Variants in CAPN9 observed in about 807,000 individuals in gnomAD.
CAPN9 encodes the protein calpain 9, also known as calpain-9.
CAPN9 carries 81 observed loss-of-function variants against 92.8 expected under a neutral mutation model. The ratio of observed to expected loss-of-function variants is 0.87; its 90% CI spans 0.73 to 1.05. The LOEUF (loss-of-function observed/expected upper bound fraction) is 1.05, where lower values mean the gene tolerates loss of function less well. Among genes scored for constraint, CAPN9 ranks in the 50% least tolerant of loss-of-function variants. CAPN9 has a pLI of 0.00. For missense variants in CAPN9, 848 were observed against 866.2 expected, an observed-to-expected ratio of 0.98 and a Z score of 0.26; for synonymous variants, 304 against 328.0, an observed-to-expected ratio of 0.93 and a Z score of 0.79.
chr1:230,800,823 T>C (rs183634031), intron 19 of CAPN9, among the ~76,000 whole-genome samples: 1 of 152,266 alleles, frequency 6.6e-6, no homozygotes, highest in Admixed American at 6.5e-5. Context: ...GTCTGAAGTA[T>C]CCATGTTTTA....
chr1:230,797,313 C>T (rs1264237536), intron 18 of CAPN9, among the ~76,000 whole-genome samples: 4 of 152,218 alleles, frequency 2.6e-5, no homozygotes, highest in Non-Finnish European at 5.9e-5. Context: ...GTCCATTCAT[C>T]TGAGTATCTC....
At chr1:230,755,730 C>T (rs1300226354) in intron 2 of CAPN9, among the ~76,000 whole-genome samples, 3 of 152,316 alleles carry the variant, frequency 2.0e-5, no homozygotes, top group East Asian at 3.9e-4. Flanking sequence ...CAGTCACCTG[C>T]GAGGTACTCT....
In CAPN9 at chr1:230,780,230, A is replaced by AG; in HGVS notation, c.1170dup (p.Gln391AlafsTer5). On this transcript the variant is annotated frameshift_variant, in exon 10 of 20. Transcript: ENST00000271971. LOFTEE classifies it high-confidence loss of function. ...AAATTGTCTCTGACTGAGAAAGATG[A>AG]GGGGCAGGAGGAGTGTAGTTTCCTT... The AG allele has an allele frequency of 6.2e-7, 1 of 1,613,828 alleles. No individual in the cohort carries two copies. The highest frequency in any genetic ancestry group is 2.2e-5 in the East Asian group (1 of 44,868).
At chr1:230,797,817 G>A (rs980324102) in intron 18 of CAPN9, among the ~76,000 whole-genome samples, 2 of 152,168 alleles carry the variant, frequency 1.3e-5, no homozygotes, top group Admixed American at 6.5e-5. Context: ...AAAACTTTAC[G>A]TGCGTGTGCT....
intron 4 of CAPN9, 75 bp from the exon 5 acceptor site, chr1:230,767,466 A>C (rs527480684): frequency 1.7e-4 from 217 of 1,243,486 alleles, no homozygotes; most frequent in Non-Finnish European, 2.3e-4. Context: ...TAGTTAGAAA[A>C]GCTCTGAAAG....
intron 13 of CAPN9, among the ~76,000 whole-genome samples, chr1:230,788,306 C>G (rs566583568): frequency 6.6e-6 from 1 of 152,298 alleles, no homozygotes; most frequent in East Asian, 1.9e-4. Flanking sequence ...TCCTGTCCCC[C>G]ACCCTATCCT....
In CAPN9 at chr1:230,767,005, G is replaced by A. The variant is rs190258299; in HGVS notation, c.537-536G>A. ...GAAAAGCTTATTTAAAAATCAAGCA[G>A]AGCACATATATGTAAAATGCATATG... On this transcript the variant is annotated intron_variant, in intron 4 of 19. Transcript: ENST00000271971. Among the ~76,000 whole-genome samples the A allele has an allele frequency of 2.4e-4, 37 of 152,246 alleles. No individual in the cohort carries two copies. In the East Asian group the frequency reaches 3.1e-3, roughly 13 times the overall value.
At chr1:230,767,084 G>A (rs1420741427) in intron 4 of CAPN9, among the ~76,000 whole-genome samples, 1 of 152,176 alleles carries the variant, frequency 6.6e-6, no homozygotes, top group Non-Finnish European at 1.5e-5. Context: ...GACCAGAGAA[G>A]AAGGGAAAGG....
chr1:230,796,674 A>G (rs974338468), intron 18 of CAPN9, among the ~76,000 whole-genome samples: 1 of 152,192 alleles, frequency 6.6e-6, no homozygotes, highest in East Asian at 1.9e-4. Flanking sequence ...CATTCTAGAA[A>G]GACCCCTCCT....
intron 1 of CAPN9, among the ~76,000 whole-genome samples, chr1:230,753,112 A>C (rs904841274): frequency 2.6e-5 from 4 of 152,136 alleles, no homozygotes; most frequent in African/African-American, 4.8e-5. Context: ...AGGACCCCAG[A>C]ACTGAGCAGC....
chr1:230,769,118 T>C, intron 5 of CAPN9, 62 bp from the exon 6 acceptor site: 1 of 1,355,040 alleles, frequency 7.4e-7, no homozygotes. Context: ...TAGCTGGGTC[T>C]GATCCAGCAG....
intron 1 of CAPN9, among the ~76,000 whole-genome samples, chr1:230,753,840 TCCTCCCTCCCTC>T (rs3063223): frequency 1.8e-4 from 24 of 136,868 alleles, no homozygotes; most frequent in Admixed American, 3.8e-4. Flanking sequence ...CGGCCCGGCT[TCCTCCCTCCCTC>T]CCTCCCTCCC....
At chr1:230,747,765 C>G in intron 1 of CAPN9, 56 bp downstream of exon 1, 1 of 1,516,152 alleles carries the variant, frequency 6.6e-7, no homozygotes. Context: ...CAGCAGCCCC[C>G]GCAGGAAGTG....
At chr1:230,757,549 G>A (rs1172440210) in intron 2 of CAPN9, among the ~76,000 whole-genome samples, 3 of 151,994 alleles carry the variant, frequency 2.0e-5, no homozygotes, top group Non-Finnish European at 2.9e-5. Flanking sequence ...AGAATAACAA[G>A]AAAATGAACA....
intron 4 of CAPN9, among the ~76,000 whole-genome samples, chr1:230,765,592 G>T (rs1049188113): frequency 6.6e-6 from 1 of 152,140 alleles, no homozygotes; most frequent in African/African-American, 2.4e-5. Context: ...CCAGGAGGTA[G>T]AGGTTGCAGT....
intron 2 of CAPN9, among the ~76,000 whole-genome samples, chr1:230,755,630 C>T (rs918546749): frequency 1.2e-4 from 19 of 152,214 alleles, no homozygotes; most frequent in Non-Finnish European, 2.5e-4. Flanking sequence ...GGGCTCACAG[C>T]CCCGGAGTTT....
chr1:230,759,002 A>G (rs376622105), intron 2 of CAPN9, among the ~76,000 whole-genome samples: 2 of 152,280 alleles, frequency 1.3e-5, no homozygotes, highest in Non-Finnish European at 2.9e-5. Context: ...AGGTCAGTCA[A>G]TAAATCTTGA....
At chr1:230,759,663 T>C (rs1665504454) in intron 3 of CAPN9, 33 bp downstream of exon 3, 2 of 1,435,434 alleles carry the variant, frequency 1.4e-6, no homozygotes, top group East Asian at 4.6e-5. Context: ...TGGGTTTACC[T>C]CTCTGGGGCC....
chr1:230,751,063 A>AT (rs1664728670), intron 1 of CAPN9, among the ~76,000 whole-genome samples: 1 of 152,030 alleles, frequency 6.6e-6, no homozygotes, highest in South Asian at 2.1e-4. Flanking sequence ...TGGCCAGGCA[A>AT]TTCCCCCCCA....
Sources: allele counts gnomAD v4.1 joint callset (sites outside exome capture counted in the v4.1 genomes callset), GRCh38; gene constraint gnomAD v4.1.1; transcripts MANE v1.5; gene names NCBI Gene and HGNC (gene_info 2026-07-23, HGNC 2026-07-21).